Variants in RHOQ observed in about 807,000 individuals in gnomAD.
The protein encoded by RHOQ is ras homolog family member Q, also known as rho-related GTP-binding protein RhoQ.
RHOQ carries 7 observed loss-of-function variants against 25.8 expected under a neutral mutation model. The ratio of observed to expected loss-of-function variants is 0.27; its 90% CI spans 0.15 to 0.51. The LOEUF is 0.51. RHOQ is among the 20% of genes least tolerant of loss of function. The pLI is 0.97. For synonymous variants in RHOQ, 97 were observed against 98.6 expected (o/e 0.98, Z 0.10); for missense variants, 165 against 260.6 (o/e 0.63, Z 2.53).
intron 2 of RHOQ, among the ~76,000 whole-genome samples, chr2:46,565,384 A>G (rs895288794): frequency 6.6e-6 from 1 of 152,222 alleles, no homozygotes; most frequent in Non-Finnish European, 1.5e-5. Flanking sequence ...CTCCATACCT[A>G]GATAAGACAA....
chr2:46,568,869 T>C (rs1668822286), intron 2 of RHOQ: 1 of 152,212 alleles, frequency 6.6e-6, no homozygotes, highest in African/African-American at 2.4e-5. Context: ...TTGCCAGATA[T>C]TTGTGGAGTG....
intron 2 of RHOQ, among the ~76,000 whole-genome samples, chr2:46,547,775 C>T (rs1668117842): frequency 6.6e-6 from 1 of 152,168 alleles, no homozygotes; most frequent in Admixed American, 6.5e-5. Context: ...ATTGTCTGCT[C>T]AAGGAGGGAC....
chr2:46,579,008 G>A (rs1041792385), intron 4 of RHOQ, among the ~76,000 whole-genome samples: 18 of 152,100 alleles, frequency 1.2e-4, no homozygotes, highest in Middle Eastern at 3.4e-3. Flanking sequence ...TATTAGGGAC[G>A]TACTTAGAGC....
At chr2:46,544,044 C>T (rs1667958141) in intron 2 of RHOQ, among the ~76,000 whole-genome samples, 1 of 152,176 alleles carries the variant, frequency 6.6e-6, no homozygotes, top group African/African-American at 2.4e-5. Context: ...AAGTTTTTGC[C>T]TGTGTGGGTC....
chr2:46,568,528 C>G (rs1420436955), intron 2 of RHOQ: 1 of 152,194 alleles, frequency 6.6e-6, no homozygotes, highest in East Asian at 1.9e-4. Context: ...AGATGGATCA[C>G]TCTTGCTATG....
At chr2:46,543,324 G>A (rs1667899288) in intron 1 of RHOQ, 136 bp downstream of exon 1, 2 of 884,492 alleles carry the variant, frequency 2.3e-6, no homozygotes, top group South Asian at 1.5e-5. Flanking sequence ...CCAGGCGGCC[G>A]GCCCCACCCC....
chr2:46,550,451 G>C (rs1370329913), intron 2 of RHOQ, among the ~76,000 whole-genome samples: 13 of 152,306 alleles, frequency 8.5e-5, no homozygotes, highest in Admixed American at 7.8e-4. Context: ...CTTTACACAG[G>C]CCCAGGGGCC....
At chr2:46,546,451 C>CATATATATATATATATATATGT (rs1668047241) in intron 2 of RHOQ, among the ~76,000 whole-genome samples, 34 of 47,154 alleles carry the variant, frequency 7.2e-4, no homozygotes, top group Non-Finnish European at 1.2e-3. Flanking sequence ...TACACATATA[C>CATATATATATATATATATATGT]ATATATATAT....
chr2:46,572,669 A>G, intron 2 of RHOQ: 1 of 416,738 alleles, frequency 2.4e-6, no homozygotes, highest in Non-Finnish European at 4.8e-6. Flanking sequence ...ACCATGCTGA[A>G]ATGTTTAAAT....
intron 2 of RHOQ, among the ~76,000 whole-genome samples, chr2:46,561,114 G>A (rs756261002): frequency 5.3e-5 from 8 of 151,134 alleles, no homozygotes; most frequent in South Asian, 2.1e-4. Flanking sequence ...GTGTGTGTGC[G>A]CACGTTTATA....
At chr2:46,564,710 G>A (rs62134759) in intron 2 of RHOQ, among the ~76,000 whole-genome samples, 33,073 of 152,136 alleles carry the variant, frequency 0.22, 4,275 homozygotes, top group Admixed American at 0.29. Context: ...GCTTGGCTGC[G>A]TGTTGCCTTT....
intron 2 of RHOQ, among the ~76,000 whole-genome samples, chr2:46,562,949 A>G (rs1324244471): frequency 1.3e-5 from 2 of 152,234 alleles, no homozygotes; most frequent in Non-Finnish European, 2.9e-5. Flanking sequence ...AAGGAACACT[A>G]TTCGGTGGAC....
chr2:46,549,523 A>G (rs775981760), intron 2 of RHOQ, among the ~76,000 whole-genome samples: 8 of 152,218 alleles, frequency 5.3e-5, no homozygotes, highest in African/African-American at 1.9e-4. Context: ...CACAACAGCA[A>G]TGCTTCAGCA....
At position 46,543,201 on chromosome 2, in the gene RHOQ, A is replaced by G; in HGVS notation, c.142+13A>G. On this transcript the variant is annotated intron_variant, in intron 1 of 4. Coordinates refer to ENST00000238738, the MANE Select transcript of RHOQ (RefSeq NM_012249.4). ...GACCACTACGCAGGTAAGCCTCGGAACTGCTGACTAAGGGGCCGCTCCCCG... is the reference window on the plus strand; with the variant it reads ...GACCACTACGCAGGTAAGCCTCGGAGCTGCTGACTAAGGGGCCGCTCCCCG... The G allele has an allele frequency of 1.9e-6, 3 of 1,610,718 alleles. No individual in the cohort carries two copies. The highest frequency in any genetic ancestry group is 2.5e-6 in the Non-Finnish European group (3 of 1,178,760).
chr2:46,545,287 A>T (rs1306277037), intron 2 of RHOQ, among the ~76,000 whole-genome samples: 2 of 152,154 alleles, frequency 1.3e-5, no homozygotes, highest in Admixed American at 6.5e-5. Context: ...GATAAACAAG[A>T]GGTTGACCTT....
intron 2 of RHOQ, among the ~76,000 whole-genome samples, chr2:46,565,903 G>A (rs1454138176): frequency 1.3e-5 from 2 of 152,224 alleles, no homozygotes; most frequent in Non-Finnish European, 2.9e-5. Flanking sequence ...GAAGCTTGTG[G>A]TGCCACAGAA....
At chr2:46,580,808 G>A (rs1669335256) in intron 4 of RHOQ, 120 bp from the exon 5 acceptor site, 2 of 677,616 alleles carry the variant, frequency 3.0e-6, no homozygotes, top group South Asian at 3.5e-5. Context: ...GAACATGGAT[G>A]ATGAATGTAT....
intron 2 of RHOQ, among the ~76,000 whole-genome samples, chr2:46,545,653 G>A (rs973915303): frequency 1.3e-5 from 2 of 152,152 alleles, no homozygotes; most frequent in Non-Finnish European, 2.9e-5. Flanking sequence ...CTAGGATTGG[G>A]ACAGGGGTCT....
intron 1 of RHOQ, 86 bp from the exon 2 acceptor site, chr2:46,543,668 G>A: frequency 8.2e-7 from 1 of 1,219,364 alleles, no homozygotes; most frequent in Non-Finnish European, 1.2e-6. Flanking sequence ...TGGGTTGGGA[G>A]AGGAGGGTCC....
Sources: allele counts gnomAD v4.1 joint callset (sites outside exome capture counted in the v4.1 genomes callset), GRCh38; gene constraint gnomAD v4.1.1; transcripts MANE v1.5; gene names NCBI Gene and HGNC (gene_info 2026-07-23, HGNC 2026-07-21).